Variants in FBRSL1 observed in about 807,000 individuals in gnomAD.
FBRSL1 encodes the protein fibrosin like 1, also known as fibrosin-1-like protein.
Under a neutral mutation model 89.6 loss-of-function variants are expected in FBRSL1, and 51 were observed. That is an observed-to-expected ratio of 0.57 (90% CI 0.45 to 0.72). FBRSL1 has a LOEUF of 0.72. Among genes scored for constraint, FBRSL1 ranks in the 30% least tolerant of loss-of-function variants. The pLI is 0.00. For missense variants in FBRSL1, 1,618 were observed against 1,451.8 expected (o/e 1.11, Z -1.86); for synonymous variants, 779 against 681.1 (o/e 1.14, Z -2.24).
At chr12:132,504,516 C>T (rs938107980) in intron 1 of FBRSL1, among the ~76,000 whole-genome samples, 5 of 152,060 alleles carry the variant, frequency 3.3e-5, no homozygotes, top group African/African-American at 7.2e-5. Context: ...AGTGGCGTTG[C>T]GCAGGGAGGG....
intron 5 of FBRSL1, among the ~76,000 whole-genome samples, chr12:132,548,897 C>T (rs1013619757): frequency 2.0e-5 from 3 of 152,192 alleles, no homozygotes; most frequent in African/African-American, 7.2e-5. Flanking sequence ...TCGCCCTGAG[C>T]CAGGGAGACG....
At chr12:132,571,566 G>C in intron 9 of FBRSL1, 1 of 1,285,512 alleles carries the variant, frequency 7.8e-7, no homozygotes, top group Non-Finnish European at 1.0e-6. Context: ...GGGCGGGCGT[G>C]GGGCGGGGAC....
chr12:132,524,751 T>C (rs1309153668), intron 2 of FBRSL1, among the ~76,000 whole-genome samples: 1 of 152,182 alleles, frequency 6.6e-6, no homozygotes, highest in Non-Finnish European at 1.5e-5. Context: ...GTCTGGGCGC[T>C]GGCTGTGCAG....
At chr12:132,507,782 GC>G in intron 1 of FBRSL1, among the ~76,000 whole-genome samples, 1 of 152,208 alleles carries the variant, frequency 6.6e-6, no homozygotes, top group East Asian at 1.9e-4. Context: ...GTGGTCCCTG[GC>G]CCCCACTGCA....
chr12:132,583,256 C>A lies in FBRSL1; in HGVS notation c.2487C>A (p.Gly829=). ...GEDEASEPPA[G]GLHPAPLQLG... ...ACGAGGCCTCCGAGCCCCCGGCGGGCGGCCTGCACCCCGCGCCCCTGCAGC... is the reference window on the plus strand; with the variant it reads ...ACGAGGCCTCCGAGCCCCCGGCGGGAGGCCTGCACCCCGCGCCCCTGCAGC... Residue 829 remains glycine (G), a synonymous_variant, in exon 19 of 19, where the codon GGC becomes GGA. Transcript: ENST00000680143. 1 of 1,334,938 alleles carries A rather than the reference C, an allele frequency of 7.5e-7. No individual in the cohort carries two copies. Among genetic ancestry groups the A allele is most frequent in the Non-Finnish European group, 9.6e-7 (1 of 1,043,668 alleles). 82.7% of individuals were successfully genotyped at this position (1,334,938 alleles called of 1,614,324 possible).
intron 4 of FBRSL1, among the ~76,000 whole-genome samples, chr12:132,535,798 C>T (rs374009504): frequency 1.1e-4 from 15 of 132,100 alleles, no homozygotes; most frequent in Middle Eastern, 4.1e-3. Context: ...TGATGGTGTG[C>T]GTGAGTGCAC....
intron 4 of FBRSL1, among the ~76,000 whole-genome samples, chr12:132,543,762 C>T (rs1185993187): frequency 1.3e-5 from 2 of 152,216 alleles, no homozygotes; most frequent in African/African-American, 4.8e-5. Flanking sequence ...AAAACAGTGA[C>T]ACGCAGTGGC....
chr12:132,582,472 C>CT (rs1247020319), intron 18 of FBRSL1, among the ~76,000 whole-genome samples: 5 of 149,850 alleles, frequency 3.3e-5, no homozygotes, highest in Admixed American at 3.3e-4. Context: ...CACTCACAGT[C>CT]TGTCCAGCTC....
intron 2 of FBRSL1, among the ~76,000 whole-genome samples, chr12:132,515,959 A>G (rs2034805919): frequency 1.3e-5 from 2 of 152,088 alleles, no homozygotes; most frequent in South Asian, 4.1e-4. Context: ...GGAAATGAAC[A>G]ATGCCAAAAG....
At chr12:132,580,776 G>A (rs548124985) in intron 15 of FBRSL1, 14 of 985,412 alleles carry the variant, frequency 1.4e-5, no homozygotes, top group East Asian at 2.3e-4. Context: ...TAAAGATGAC[G>A]CCCTGCTGGT....
Position 132,583,381 on chromosome 12 carries a change from C to A in FBRSL1, c.2612C>A (p.Ala871Asp), listed in dbSNP as rs1311534418. The change falls in exon 19 of 19, where the codon GCC (alanine) becomes GAC (aspartate). Residue 871 changes from alanine to aspartate, a missense_variant. Coordinates refer to ENST00000680143, the MANE Select transcript of FBRSL1 (RefSeq NM_001367871.1). ...PRRAFPAAAP[A>D]PGSAALLEPP... ...CGCGCCTTCCCCGCTGCCGCCCCCGCCCCGGGCTCCGCCGCCCTCTTGGAG... is the reference window on the plus strand; with the variant it reads ...CGCGCCTTCCCCGCTGCCGCCCCCGACCCGGGCTCCGCCGCCCTCTTGGAG... The A allele has an allele frequency of 9.2e-7, 1 of 1,091,456 alleles. No individual in the cohort carries two copies. Among genetic ancestry groups the A allele is most frequent in the Admixed American group, 5.5e-5 (1 of 18,090 alleles). 67.6% of individuals were successfully genotyped at this position (1,091,456 alleles called of 1,614,324 possible).
At chr12:132,512,921 C>T (rs575343692) in intron 2 of FBRSL1, among the ~76,000 whole-genome samples, 2 of 152,184 alleles carry the variant, frequency 1.3e-5, no homozygotes, top group East Asian at 1.9e-4. Flanking sequence ...GCCTCCAGCT[C>T]GAACCCACTG....
At chr12:132,519,118 C>T (rs2035121724) in intron 2 of FBRSL1, among the ~76,000 whole-genome samples, 1 of 152,276 alleles carries the variant, frequency 6.6e-6, no homozygotes, top group South Asian at 2.1e-4. Flanking sequence ...CACTTGGTCT[C>T]TCCCAAACAT....
At chr12:132,542,638 T>A (rs2037358646) in intron 4 of FBRSL1, among the ~76,000 whole-genome samples, 1 of 152,104 alleles carries the variant, frequency 6.6e-6, no homozygotes, top group Non-Finnish European at 1.5e-5. Flanking sequence ...GCTGGCAGTG[T>A]TTCCAGCACC....
At chr12:132,503,080 G>A (rs1219575362) in intron 1 of FBRSL1, among the ~76,000 whole-genome samples, 1 of 151,832 alleles carries the variant, frequency 6.6e-6, no homozygotes, top group African/African-American at 2.4e-5. Context: ...CAGCAGTAAC[G>A]GCCAAGCTGG....
chr12:132,496,996 T>C (rs2032151057), intron 1 of FBRSL1, among the ~76,000 whole-genome samples: 2 of 151,202 alleles, frequency 1.3e-5, no homozygotes, highest in African/African-American at 4.8e-5. Flanking sequence ...GACGTGGCCC[T>C]GGCGGGCCGT....
At position 132,581,849 on chromosome 12, in the gene FBRSL1, C is replaced by T. The variant is rs529477459; in HGVS notation, c.1996+25C>T. ...GGTGAGTGACCCAGCCTGTGCCCCC[C>T]TCCCCCGATGCCCGCGCCCCTCCCC... On this transcript the variant is annotated intron_variant, in intron 17 of 18. Transcript: ENST00000680143. The T allele has an allele frequency of 5.8e-4, 881 of 1,513,476 alleles. 22 individuals are homozygous for T. In the South Asian group the frequency reaches 0.011, roughly 18 times the overall value. The allele number at this position is 1,513,476 out of a possible 1,614,324, so 93.8% of individuals were successfully genotyped here.
chr12:132,495,962 G>A (rs556248011), intron 1 of FBRSL1, among the ~76,000 whole-genome samples: 4 of 152,356 alleles, frequency 2.6e-5, no homozygotes, highest in South Asian at 4.1e-4. Flanking sequence ...CCTCGGGGTC[G>A]GGGCTGTTAC....
In FBRSL1 at chr12:132,573,024, G is replaced by A. The variant is rs140207516; in HGVS notation, c.1530+402G>A. On this transcript the variant is annotated intron_variant, in intron 11 of 18. Coordinates refer to ENST00000680143, the MANE Select transcript of FBRSL1 (RefSeq NM_001367871.1). ...AGGTTCTTACGGGGCCGTCCACACC[G>A]TGGGGGACCCGGGCCTTACGGGGCC... 6.4e-4 allele frequency among the ~76,000 whole-genome samples: 97 copies of A among 152,252 alleles called. 2 individuals carry two copies. In the East Asian group the frequency reaches 0.017, roughly 27 times the overall value.
Sources: gnomAD v4.1 joint callset for allele counts (sites outside exome capture counted in the v4.1 genomes callset) on GRCh38, gnomAD v4.1.1 for gene constraint, MANE v1.5 for transcripts, NCBI Gene and HGNC (gene_info 2026-07-23, HGNC 2026-07-21) for gene names.